Variants in NFIA observed in about 807,000 individuals in gnomAD.
NFIA encodes nuclear factor I A.
Under a neutral mutation model 62.8 loss-of-function variants are expected in NFIA, and 8 were observed. The ratio of observed to expected loss-of-function variants is 0.13; its 90% CI spans 0.07 to 0.23. The LOEUF is 0.23. NFIA is among the 10% of genes least tolerant of loss of function. NFIA has a pLI of 1.00. For synonymous variants in NFIA, 235 were observed against 238.1 expected (o/e 0.99, Z 0.12); for missense variants, 410 against 642.1 (o/e 0.64, Z 3.91).
intron 10 of NFIA, among the ~76,000 whole-genome samples, chr1:61,429,260 C>T (rs1390368602): frequency 6.6e-6 from 1 of 152,170 alleles, no homozygotes; most frequent in Non-Finnish European, 1.5e-5. Flanking sequence ...ATGTGATGCA[C>T]CTAATCTTTA....
At chr1:61,397,793 T>C (rs1444839448) in intron 7 of NFIA, among the ~76,000 whole-genome samples, 5 of 152,242 alleles carry the variant, frequency 3.3e-5, no homozygotes, top group Admixed American at 6.5e-5. Flanking sequence ...TATATTATAC[T>C]GCACTGCTTT....
chr1:61,137,090 T>C (rs1230644865), intron 2 of NFIA, among the ~76,000 whole-genome samples: 1 of 152,174 alleles, frequency 6.6e-6, no homozygotes, highest in African/African-American at 2.4e-5. Context: ...CGTAATCTTA[T>C]GGATCAAGAT....
chr1:61,184,117 A>AGGG (rs1650955775), intron 2 of NFIA, among the ~76,000 whole-genome samples: 8 of 138,796 alleles, frequency 5.8e-5, no homozygotes, highest in Admixed American at 1.4e-4. Context: ...GGGGGGGGGA[A>AGGG]AAAAAACCAA....
intron 10 of NFIA, among the ~76,000 whole-genome samples, chr1:61,455,002 C>G (rs1569926957): frequency 6.6e-6 from 1 of 152,208 alleles, no homozygotes; most frequent in Non-Finnish European, 1.5e-5. Flanking sequence ...CCTCCTATAA[C>G]TGCCCCCATC....
At chr1:61,302,253 A>G (rs1048313073) in intron 3 of NFIA, among the ~76,000 whole-genome samples, 1 of 152,212 alleles carries the variant, frequency 6.6e-6, no homozygotes, top group Non-Finnish European at 1.5e-5. Flanking sequence ...TATGGAATGC[A>G]GTCATGTTAA....
chr1:61,305,221 AT>A (rs1322913954), intron 3 of NFIA, among the ~76,000 whole-genome samples: 1 of 152,156 alleles, frequency 6.6e-6, no homozygotes, highest in Non-Finnish European at 1.5e-5. Context: ...AATGATTGAT[AT>A]TAAGGTAGCC....
intron 2 of NFIA, among the ~76,000 whole-genome samples, chr1:61,113,635 A>C (rs957366846): frequency 6.6e-6 from 1 of 151,818 alleles, no homozygotes; most frequent in African/African-American, 2.4e-5. Flanking sequence ...GTTTGGTAGA[A>C]ATCTGAAAGA....
chr1:61,256,101 G>C (rs1656374612), intron 2 of NFIA, among the ~76,000 whole-genome samples: 1 of 152,094 alleles, frequency 6.6e-6, no homozygotes, highest in Admixed American at 6.6e-5. Context: ...ATTAACGATA[G>C]CTGATGAGCT....
At chr1:61,214,813 T>C (rs1570394506) in intron 2 of NFIA, among the ~76,000 whole-genome samples, 1 of 152,216 alleles carries the variant, frequency 6.6e-6, no homozygotes, top group Non-Finnish European at 1.5e-5. Flanking sequence ...GTTTACTACC[T>C]CAGTAGCCAG....
At chr1:61,379,406 T>A (rs998314952) in intron 6 of NFIA, among the ~76,000 whole-genome samples, 25 of 104,792 alleles carry the variant, frequency 2.4e-4, no homozygotes, top group South Asian at 1.1e-3. Context: ...CTTTTTCTTT[T>A]TTTTTTTTTT....
intron 7 of NFIA, among the ~76,000 whole-genome samples, chr1:61,400,004 T>A (rs1245175093): frequency 6.6e-6 from 1 of 152,246 alleles, no homozygotes; most frequent in Admixed American, 6.5e-5. Context: ...TTTCAATTGT[T>A]TGAATTTTTA....
intron 2 of NFIA, among the ~76,000 whole-genome samples, chr1:61,104,215 G>GTGGGTT (rs1050432561): frequency 1.3e-5 from 2 of 152,052 alleles, no homozygotes; most frequent in Non-Finnish European, 2.9e-5. Context: ...CACATTTTTT[G>GTGGGTT]TGGGTTTTGA....
intron 3 of NFIA, among the ~76,000 whole-genome samples, chr1:61,329,381 A>ATTTT (rs58955783): frequency 8.3e-6 from 1 of 119,874 alleles, no homozygotes; most frequent in Non-Finnish European, 1.8e-5. Context: ...TTTTAAAGTA[A>ATTTT]TTTTTTTTTT....
intron 2 of NFIA, among the ~76,000 whole-genome samples, chr1:61,112,152 T>C (rs1216932450): frequency 6.6e-6 from 1 of 151,788 alleles, no homozygotes; most frequent in Non-Finnish European, 1.5e-5. Flanking sequence ...AAAACTATGC[T>C]CTAAAAATTG....
intron 2 of NFIA, among the ~76,000 whole-genome samples, chr1:61,200,495 G>A (rs1031370717): frequency 6.6e-6 from 1 of 152,124 alleles, no homozygotes; most frequent in Non-Finnish European, 1.5e-5. Flanking sequence ...TATAGCATCT[G>A]ATTAATTAAA....
intron 3 of NFIA, among the ~76,000 whole-genome samples, chr1:61,320,812 A>G (rs1267314805): frequency 1.1e-4 from 16 of 152,206 alleles, no homozygotes. Context: ...TTTAACGTCC[A>G]TGAACCAGGG....
chr1:61,415,989 T>C (rs1216470268), intron 9 of NFIA, among the ~76,000 whole-genome samples: 1 of 152,102 alleles, frequency 6.6e-6, no homozygotes, highest in Non-Finnish European at 1.5e-5. Context: ...GATAGGTCTG[T>C]CTCCATGAAT....
intron 2 of NFIA, among the ~76,000 whole-genome samples, chr1:61,139,039 A>G (rs1428728480): frequency 6.6e-6 from 1 of 151,874 alleles, no homozygotes; most frequent in African/African-American, 2.4e-5. Flanking sequence ...AAAATACAAA[A>G]ATTAACTGGG....
chr1:61,248,897 A>G (rs1052756487), intron 2 of NFIA: 7 of 152,252 alleles, frequency 4.6e-5, no homozygotes, highest in African/African-American at 1.7e-4. Context: ...TTACAAATGT[A>G]AAGGTAGCAT....
Sources: gnomAD v4.1 joint callset for allele counts (sites outside exome capture counted in the v4.1 genomes callset) on GRCh38, gnomAD v4.1.1 for gene constraint, MANE v1.5 for transcripts, NCBI Gene and HGNC (gene_info 2026-07-23, HGNC 2026-07-21) for gene names.